TENM3: variants seen among roughly 807,000 people sequenced by gnomAD.
TENM3 encodes the protein teneurin transmembrane protein 3.
In TENM3, 63 loss-of-function variants were observed where a neutral mutation model predicts 255.1. The ratio of observed to expected loss-of-function variants is 0.25; its 90% CI spans 0.20 to 0.30. The LOEUF is 0.30. TENM3 is among the 10% of genes least tolerant of loss of function. The pLI, the probability that TENM3 is intolerant of heterozygous loss-of-function variation, is 1.00. For synonymous variants in TENM3, 1,306 were observed against 1,322.3 expected, an observed-to-expected ratio of 0.99 and a Z score of 0.27; for missense variants, 2,929 against 3,461.1, an observed-to-expected ratio of 0.85 and a Z score of 3.86.
intron 3 of TENM3, among the ~76,000 whole-genome samples, chr4:182,573,072 G>A (rs1440832446): frequency 6.6e-6 from 1 of 152,098 alleles, no homozygotes; most frequent in African/African-American, 2.4e-5. Context: ...TCAATGATTT[G>A]CATTCTCCTT....
chr4:182,248,952 A>G (rs1394271159), intron 1 of TENM3, among the ~76,000 whole-genome samples: 2 of 152,242 alleles, frequency 1.3e-5, no homozygotes, highest in African/African-American at 4.8e-5. Flanking sequence ...CAATAGGACA[A>G]TAACATAATA....
At chr4:182,428,805 A>T (rs1005014425) in intron 3 of TENM3, among the ~76,000 whole-genome samples, 3 of 152,184 alleles carry the variant, frequency 2.0e-5, no homozygotes, top group Middle Eastern at 3.2e-3. Flanking sequence ...GAAATAATAT[A>T]AAAAAATTAA....
the TENM3 span, among the ~76,000 whole-genome samples, chr4:181,830,184 G>A: frequency 6.6e-6 from 1 of 152,128 alleles, no homozygotes; most frequent in Non-Finnish European, 1.5e-5. Flanking sequence ...AGAGTGCTAC[G>A]TTTAGGTGGA....
chr4:181,999,602 G>A, the TENM3 span, among the ~76,000 whole-genome samples: 11 of 152,128 alleles, frequency 7.2e-5, no homozygotes, highest in Non-Finnish European at 1.5e-4. Context: ...ATCTACAAGT[G>A]ACAACATGGC....
At chr4:182,472,986 G>A (rs7692831) in intron 3 of TENM3, among the ~76,000 whole-genome samples, 136,952 of 152,170 alleles carry the variant, frequency 0.9, 62,142 homozygotes, top group East Asian at 1. Flanking sequence ...AGTGTCCATT[G>A]ATAATTATAA....
the TENM3 span, among the ~76,000 whole-genome samples, chr4:181,486,773 G>C: frequency 6.6e-6 from 1 of 152,126 alleles, no homozygotes; most frequent in Admixed American, 6.6e-5. Context: ...CAGTGTGGTA[G>C]ATTACATCCA....
the TENM3 span, among the ~76,000 whole-genome samples, chr4:181,797,072 C>T: frequency 2.6e-5 from 4 of 151,956 alleles, no homozygotes; most frequent in East Asian, 1.9e-4. Context: ...CAGTCCACAA[C>T]GTTTTACTAT....
upstream of TENM3, among the ~76,000 whole-genome samples, chr4:182,241,850 CT>C (rs1424732885): frequency 1.8e-4 from 27 of 152,106 alleles, no homozygotes; most frequent in African/African-American, 5.5e-4. Flanking sequence ...ATGCACAAGG[CT>C]TGACCGTTCT....
At chr4:181,910,172 T>G in the TENM3 span, among the ~76,000 whole-genome samples, 1 of 152,320 alleles carries the variant, frequency 6.6e-6, no homozygotes, top group East Asian at 1.9e-4. Context: ...AATATATCCA[T>G]GCATATATAT....
the TENM3 span, among the ~76,000 whole-genome samples, chr4:181,849,930 T>TCTC: frequency 1.3e-4 from 11 of 84,106 alleles, no homozygotes; most frequent in South Asian, 2.5e-3. Flanking sequence ...CTCTCTCTCT[T>TCTC]TCTCTCTCTC....
chr4:181,798,205 T>C, the TENM3 span, among the ~76,000 whole-genome samples: 1 of 152,162 alleles, frequency 6.6e-6, no homozygotes, highest in Non-Finnish European at 1.5e-5. Context: ...CAACCTCTTA[T>C]TTTACAAACG....
chr4:181,888,494 G>GTGTATATATATATATA, the TENM3 span, among the ~76,000 whole-genome samples: 1 of 28,242 alleles, frequency 3.5e-5, no homozygotes, highest in Admixed American at 5.1e-4. Context: ...ATAGAAATGT[G>GTGTATATATATATATA]TATATATATA....
At chr4:182,261,929 A>G (rs1004270506) in intron 1 of TENM3, among the ~76,000 whole-genome samples, 1 of 152,146 alleles carries the variant, frequency 6.6e-6, no homozygotes, top group Non-Finnish European at 1.5e-5. Context: ...TCATTTGAAA[A>G]CATCCACAGT....
At chr4:181,801,066 G>A in the TENM3 span, among the ~76,000 whole-genome samples, 1 of 152,162 alleles carries the variant, frequency 6.6e-6, no homozygotes, top group African/African-American at 2.4e-5. Context: ...CAAAGTTACA[G>A]TGAAGCACAG....
At chr4:182,688,675 A>T (rs1756785392) in intron 12 of TENM3, among the ~76,000 whole-genome samples, 1 of 152,172 alleles carries the variant, frequency 6.6e-6, no homozygotes, top group Non-Finnish European at 1.5e-5. Context: ...CCATATTGTC[A>T]TTGCATTTCT....
chr4:182,153,244 T>G (rs1005664837), intron 1 of TENM3, among the ~76,000 whole-genome samples: 2 of 152,050 alleles, frequency 1.3e-5, no homozygotes, highest in Non-Finnish European at 2.9e-5. Context: ...CTTAATTTAA[T>G]GAATATTACA....
At chr4:182,026,976 TG>T in the TENM3 span, among the ~76,000 whole-genome samples, 2 of 151,672 alleles carry the variant, frequency 1.3e-5, no homozygotes, top group South Asian at 2.1e-4. Flanking sequence ...ATTTTAGGAT[TG>T]TTTTTTATAT....
intron 1 of TENM3, among the ~76,000 whole-genome samples, chr4:182,270,401 G>A (rs1038679060): frequency 6.6e-6 from 1 of 152,152 alleles, no homozygotes; most frequent in Non-Finnish European, 1.5e-5. Context: ...CCAGACTGAA[G>A]GTGGAATTTG....
intron 3 of TENM3, among the ~76,000 whole-genome samples, chr4:182,474,377 G>A (rs761701030): frequency 1.3e-5 from 2 of 150,558 alleles, no homozygotes; most frequent in Non-Finnish European, 3.0e-5. Flanking sequence ...TGATTTAGAT[G>A]AGTGAGTGTA....
Sources: gnomAD v4.1 joint callset for allele counts (sites outside exome capture counted in the v4.1 genomes callset) on GRCh38, gnomAD v4.1.1 for gene constraint, MANE v1.5 for transcripts, NCBI Gene and HGNC (gene_info 2026-07-23, HGNC 2026-07-21) for gene names.